The following LRRC4C variants were observed in gnomAD, a reference collection of about 807,000 sequenced individuals.
LRRC4C encodes leucine-rich repeat-containing protein 4C.
Under a neutral mutation model 33.6 loss-of-function variants are expected in LRRC4C, and 5 were observed. That is an observed-to-expected ratio of 0.15 (90% CI 0.08 to 0.31). The LOEUF is 0.31. Ranked by LOEUF, LRRC4C falls within the 10% of genes least tolerant of loss-of-function variation. The pLI, the probability that LRRC4C is intolerant of heterozygous loss-of-function variation, is 1.00. For synonymous variants in LRRC4C, 329 were observed against 302.0 expected, an observed-to-expected ratio of 1.09 and a Z score of -0.93; for missense variants, 560 against 796.7, an observed-to-expected ratio of 0.70 and a Z score of 3.58.
intron 3 of LRRC4C, among the ~76,000 whole-genome samples, chr11:40,482,458 T>A (rs1953625357): frequency 2.2e-5 from 3 of 134,384 alleles, no homozygotes; most frequent in African/African-American, 9.8e-5. Flanking sequence ...ATTACAGGAA[T>A]TTTTTTTTTT....
intron 1 of LRRC4C, among the ~76,000 whole-genome samples, chr11:41,070,100 C>T (rs1006545584): frequency 6.6e-6 from 1 of 152,128 alleles, no homozygotes; most frequent in Non-Finnish European, 1.5e-5. Context: ...ACAGGGACTT[C>T]AGAACTAACA....
intron 1 of LRRC4C, among the ~76,000 whole-genome samples, chr11:40,992,338 A>G (rs919914036): frequency 1.3e-5 from 2 of 152,018 alleles, no homozygotes; most frequent in Non-Finnish European, 2.9e-5. Context: ...GATATAATAG[A>G]ATTACTATCA....
intron 5 of LRRC4C, among the ~76,000 whole-genome samples, chr11:40,199,072 G>A (rs1428194023): frequency 6.6e-6 from 1 of 152,050 alleles, no homozygotes. Context: ...TTATTTATTT[G>A]TTTGTTTATT....
chr11:41,076,808 G>A (rs569144628), intron 1 of LRRC4C, among the ~76,000 whole-genome samples: 13 of 152,196 alleles, frequency 8.5e-5, no homozygotes, highest in South Asian at 2.1e-4. Flanking sequence ...GTCCAAGTCC[G>A]TAGTCTCATC....
chr11:40,779,839 G>T (rs1950145958), intron 2 of LRRC4C, among the ~76,000 whole-genome samples: 1 of 152,128 alleles, frequency 6.6e-6, no homozygotes, highest in South Asian at 2.1e-4. Flanking sequence ...TTGTGGAGTG[G>T]CTACCTGTGG....
intron 2 of LRRC4C, among the ~76,000 whole-genome samples, chr11:40,787,427 C>T (rs886093962): frequency 9.2e-5 from 14 of 152,038 alleles, no homozygotes; most frequent in Non-Finnish European, 1.3e-4. Flanking sequence ...TGCGACTATG[C>T]GAAAAAGAAC....
At chr11:40,567,279 T>A (rs1044672648) in intron 3 of LRRC4C, among the ~76,000 whole-genome samples, 1 of 151,986 alleles carries the variant, frequency 6.6e-6, no homozygotes, top group Non-Finnish European at 1.5e-5. Context: ...CACATTTTTT[T>A]AACAATATGA....
chr11:40,635,677 C>T (rs1436822167), intron 3 of LRRC4C, among the ~76,000 whole-genome samples: 3 of 140,792 alleles, frequency 2.1e-5, no homozygotes, highest in East Asian at 4.1e-4. Flanking sequence ...CGCTCTGTCG[C>T]CCAGGCTAGA....
chr11:41,110,632 T>C (rs969828802), intron 1 of LRRC4C, among the ~76,000 whole-genome samples: 3 of 152,072 alleles, frequency 2.0e-5, no homozygotes, highest in African/African-American at 7.2e-5. Context: ...TGCTGAAAAC[T>C]TTTTATTGTT....
intron 1 of LRRC4C, among the ~76,000 whole-genome samples, chr11:41,082,518 A>G (rs771155130): frequency 6.8e-4 from 103 of 150,488 alleles, no homozygotes; most frequent in Non-Finnish European, 1.4e-3. Flanking sequence ...CACTGAGCTA[A>G]GCGTTTTACA....
At position 40,320,517 on chromosome 11, in the gene LRRC4C, CATAA is replaced by C. The variant is rs766495174; in HGVS notation, c.-269-800_-269-797del. On this transcript the variant is annotated intron_variant, in intron 3 of 6. Coordinates refer to ENST00000528697, the MANE Select transcript of LRRC4C (RefSeq NM_001258419.2). ...TGAGACTCTGTCTCAAAAATAAATA[CATAA>C]ATAAATAAATAGAAAATATACACTG... Among the ~76,000 whole-genome samples the C allele has an allele frequency of 3.3e-5, 5 of 151,820 alleles. No individual in the cohort carries two copies. The East Asian group carries it at 5.8e-4, about 18-fold the overall frequency.
At chr11:40,285,292 G>A (rs966338287) in intron 4 of LRRC4C, among the ~76,000 whole-genome samples, 4 of 152,108 alleles carry the variant, frequency 2.6e-5, no homozygotes, top group Non-Finnish European at 4.4e-5. Context: ...AAAACAGAAG[G>A]AGGATAAAGT....
chr11:41,281,078 CCT>C (rs142279457), intron 1 of LRRC4C, among the ~76,000 whole-genome samples: 1,262 of 82,958 alleles, frequency 0.015, 32 homozygotes, highest in African/African-American at 0.051. Flanking sequence ...CTCTCTCTGT[CCT>C]CTCTCTCTCT....
At chr11:41,423,055 C>T (rs538338050) in intron 1 of LRRC4C, among the ~76,000 whole-genome samples, 224 of 152,128 alleles carry the variant, frequency 1.5e-3, no homozygotes, top group African/African-American at 5.1e-3. Flanking sequence ...GACAACATGT[C>T]GGTTAATAGG....
chr11:40,856,406 T>C (rs1239509934), intron 2 of LRRC4C, among the ~76,000 whole-genome samples: 5 of 152,226 alleles, frequency 3.3e-5, no homozygotes, highest in East Asian at 3.8e-4. Context: ...TGTTGCACTA[T>C]GTATTCTTGG....
At chr11:41,075,597 C>G (rs1049722165) in intron 1 of LRRC4C, among the ~76,000 whole-genome samples, 1 of 152,116 alleles carries the variant, frequency 6.6e-6, no homozygotes, top group Non-Finnish European at 1.5e-5. Context: ...CACTATATCT[C>G]CCATCAAACA....
chr11:41,045,340 T>C (rs899255161), intron 1 of LRRC4C, among the ~76,000 whole-genome samples: 1 of 152,134 alleles, frequency 6.6e-6, no homozygotes, highest in East Asian at 1.9e-4. Context: ...ATTTCCTTTT[T>C]ACATCTCTTC....
intron 4 of LRRC4C, among the ~76,000 whole-genome samples, chr11:40,269,153 T>A (rs1209118798): frequency 6.6e-6 from 1 of 152,172 alleles, no homozygotes; most frequent in Non-Finnish European, 1.5e-5. Context: ...CCAGCTGTAC[T>A]CCTCATGCTA....
At chr11:41,383,371 G>A (rs1953231222) in intron 1 of LRRC4C, among the ~76,000 whole-genome samples, 1 of 152,042 alleles carries the variant, frequency 6.6e-6, no homozygotes, top group Non-Finnish European at 1.5e-5. Context: ...CTTAGTTGTG[G>A]AAGCGGTACT....
Sources: gnomAD v4.1 joint callset for allele counts (sites outside exome capture counted in the v4.1 genomes callset) on GRCh38, gnomAD v4.1.1 for gene constraint, MANE v1.5 for transcripts, NCBI Gene and HGNC (gene_info 2026-07-23, HGNC 2026-07-21) for gene names.